The following SH2D4B variants were observed in gnomAD, a reference collection of about 807,000 sequenced individuals.
SH2D4B encodes the protein SH2 domain containing 4B.
Under a neutral mutation model 61.5 loss-of-function variants are expected in SH2D4B, and 45 were observed. The ratio of observed to expected loss-of-function variants is 0.73; its 90% confidence interval spans 0.58 to 0.94. The LOEUF (loss-of-function observed/expected upper bound fraction) is 0.94, where lower values mean the gene tolerates loss of function less well. Among genes scored for constraint, SH2D4B ranks in the 40% least tolerant of loss-of-function variants. The pLI is 0.00. For synonymous variants in SH2D4B, 224 were observed against 220.4 expected (o/e 1.02, Z -0.14); for missense variants, 572 against 574.2 (o/e 1.00, Z 0.04).
At chr10:80,608,696 C>T (rs1472815974) in intron 5 of SH2D4B, among the ~76,000 whole-genome samples, 2 of 152,046 alleles carry the variant, frequency 1.3e-5, no homozygotes, top group African/African-American at 2.4e-5. Flanking sequence ...TCCCGCCCTC[C>T]GTGCCTTCAG....
chr10:80,590,401 G>A (rs1842312713), intron 4 of SH2D4B, among the ~76,000 whole-genome samples: 1 of 152,148 alleles, frequency 6.6e-6, no homozygotes, highest in African/African-American at 2.4e-5. Flanking sequence ...CTGTCCCTAC[G>A]AATTGGCTAT....
chr10:80,581,900 G>A (rs1842189486), intron 3 of SH2D4B, among the ~76,000 whole-genome samples: 1 of 152,108 alleles, frequency 6.6e-6, no homozygotes, highest in Admixed American at 6.6e-5. Flanking sequence ...TACTTCAATA[G>A]ATCAACAAGC....
chr10:80,643,245 C>CTT (rs78663378), intron 7 of SH2D4B, among the ~76,000 whole-genome samples: 1,722 of 137,704 alleles, frequency 0.013, 34 homozygotes, highest in African/African-American at 0.043. Context: ...TTAAGTGGTT[C>CTT]TTTTTTTTTT....
At chr10:80,593,833 A>T in intron 4 of SH2D4B, among the ~76,000 whole-genome samples, 1 of 152,100 alleles carries the variant, frequency 6.6e-6, no homozygotes, top group East Asian at 1.9e-4. Flanking sequence ...TTTTTGAGAC[A>T]AGGTCTCACT....
chr10:80,606,548 A>G (rs7090217), intron 5 of SH2D4B, among the ~76,000 whole-genome samples: 43,696 of 151,924 alleles, frequency 0.29, 7,208 homozygotes, highest in East Asian at 0.57. Flanking sequence ...GGTTTTCACC[A>G]TGTTGGCCAG....
chr10:80,584,904 A>T (rs1327931563), intron 3 of SH2D4B, among the ~76,000 whole-genome samples: 1 of 152,258 alleles, frequency 6.6e-6, no homozygotes, highest in East Asian at 1.9e-4. Flanking sequence ...TTAATCAGAC[A>T]CATGGACGTA....
At chr10:80,636,419 G>T (rs1372801389) in intron 7 of SH2D4B, among the ~76,000 whole-genome samples, 1 of 152,204 alleles carries the variant, frequency 6.6e-6, no homozygotes, top group Non-Finnish European at 1.5e-5. Flanking sequence ...CACCAACAGT[G>T]TAAAAGTGTT....
At chr10:80,579,987 T>C (rs1003691377) in intron 3 of SH2D4B, among the ~76,000 whole-genome samples, 4 of 152,248 alleles carry the variant, frequency 2.6e-5, no homozygotes, top group African/African-American at 9.6e-5. Context: ...TCAGCATTTA[T>C]GGAGCACCTG....
intron 3 of SH2D4B, among the ~76,000 whole-genome samples, chr10:80,575,079 T>C (rs1413652544): frequency 6.6e-6 from 1 of 151,296 alleles, no homozygotes; most frequent in African/African-American, 2.4e-5. Context: ...ATTTTATTTT[T>C]TTAAAATTTC....
At chr10:80,556,965 T>A (rs1841846233) in intron 1 of SH2D4B, among the ~76,000 whole-genome samples, 1 of 152,170 alleles carries the variant, frequency 6.6e-6, no homozygotes, top group Admixed American at 6.5e-5. Flanking sequence ...CTAACAACCT[T>A]GCCTGTTCCT....
intron 7 of SH2D4B, among the ~76,000 whole-genome samples, chr10:80,639,248 A>C (rs1298950547): frequency 1.3e-5 from 2 of 152,320 alleles, no homozygotes; most frequent in South Asian, 2.1e-4. Flanking sequence ...GGTGCTGAGA[A>C]GAATGTATAT....
chr10:80,596,434 G>T (rs1842386350), intron 4 of SH2D4B, among the ~76,000 whole-genome samples: 1 of 152,192 alleles, frequency 6.6e-6, no homozygotes, highest in Non-Finnish European at 1.5e-5. Context: ...TACTGATAAG[G>T]AATCTCAGGC....
At position 80,634,522 on chromosome 10, in the gene SH2D4B, T is replaced by A; in HGVS notation, c.1209+17T>A. ...TTCCATAAGGTATCCCTCACAGGGA[T>A]ACTAATGGGGGGGAGGGGGAACTGG... On this transcript the variant is annotated intron_variant, in intron 7 of 7. Transcript: ENST00000646907. The A allele has an allele frequency of 6.5e-7, 1 of 1,546,972 alleles. No individual in the cohort carries two copies. Among genetic ancestry groups the A allele is most frequent in the Non-Finnish European group, 8.7e-7 (1 of 1,145,768 alleles).
intron 1 of SH2D4B, among the ~76,000 whole-genome samples, chr10:80,551,062 ATTT>A (rs778138742): frequency 2.0e-5 from 3 of 151,852 alleles, no homozygotes; most frequent in Non-Finnish European, 4.4e-5. Flanking sequence ...ATTTTATTTT[ATTT>A]TTTTTGAGAC....
intron 1 of SH2D4B, among the ~76,000 whole-genome samples, chr10:80,552,461 C>T (rs1231951667): frequency 6.6e-6 from 1 of 152,198 alleles, no homozygotes; most frequent in Non-Finnish European, 1.5e-5. Context: ...TCTGTCCCCT[C>T]ATTTCAGGAT....
chr10:80,540,711 T>C (rs1248764578), intron 1 of SH2D4B: 4 of 899,188 alleles, frequency 4.4e-6, no homozygotes, highest in African/African-American at 1.7e-5. Flanking sequence ...TATCCAGCAT[T>C]ACTATGTGCT....
intron 6 of SH2D4B, among the ~76,000 whole-genome samples, chr10:80,612,514 A>G (rs554564776): frequency 2.6e-5 from 4 of 152,260 alleles, no homozygotes; most frequent in South Asian, 2.1e-4. Flanking sequence ...TCAGAGAGCA[A>G]CTGGAAGCAT....
At chr10:80,599,613 C>T (rs1842422467) in intron 4 of SH2D4B, among the ~76,000 whole-genome samples, 1 of 152,168 alleles carries the variant, frequency 6.6e-6, no homozygotes, top group Non-Finnish European at 1.5e-5. Flanking sequence ...CTGTTGGCAG[C>T]CATCAGGCGT....
At chr10:80,640,184 A>G (rs1840265301) in intron 7 of SH2D4B, among the ~76,000 whole-genome samples, 1 of 152,052 alleles carries the variant, frequency 6.6e-6, no homozygotes, top group Non-Finnish European at 1.5e-5. Flanking sequence ...CTTCCCTTTG[A>G]GGTTAACCCG....
Sources: allele counts gnomAD v4.1 joint callset (sites outside exome capture counted in the v4.1 genomes callset), GRCh38; gene constraint gnomAD v4.1.1; transcripts MANE v1.5; gene names NCBI Gene and HGNC (gene_info 2026-07-23, HGNC 2026-07-21).